The following GABRG1 variants were observed in gnomAD, a reference collection of about 807,000 sequenced individuals.
The protein encoded by GABRG1 is gamma-aminobutyric acid type A receptor subunit gamma1.
Under a neutral mutation model 49.8 loss-of-function variants are expected in GABRG1, and 49 were observed. That is an observed-to-expected ratio of 0.98 (90% CI 0.78 to 1.25). The LOEUF is 1.25. GABRG1 is among the 50% of genes most tolerant of loss of function. The pLI, the probability that GABRG1 is intolerant of heterozygous loss-of-function variation, is 0.00. For missense variants in GABRG1, 552 were observed against 552.3 expected (o/e 1.00, Z 0.01); for synonymous variants, 232 against 185.1 (o/e 1.25, Z -2.06).
In GABRG1 at chr4:46,037,177, C is replaced by T. The variant is rs1717563893; in HGVS notation, c.*3811G>A. 6.6e-6 allele frequency: 1 copy of T among 151,722 alleles called. No homozygotes were observed. Among genetic ancestry groups the T allele is most frequent in the African/African-American group, 2.4e-5 (1 of 41,344 alleles). The allele number at this position is 151,722 out of a possible 1,614,324, so 9.4% of individuals were successfully genotyped here. On this transcript the variant is annotated 3_prime_UTR_variant, in exon 9 of 9. Coordinates refer to ENST00000295452, the MANE Select transcript of GABRG1 (RefSeq NM_173536.4). The stretch of plus-strand genomic sequence containing the variant: ...TTCCTTGAAAGTCATCTTTATATTC[C>T]CTTTTGTATTTAGAACAGTACTTTG...
chr4:46,116,387 G>T (rs1049459737), intron 1 of GABRG1, among the ~76,000 whole-genome samples: 2 of 150,300 alleles, frequency 1.3e-5, no homozygotes, highest in South Asian at 2.1e-4. Flanking sequence ...GTTAGACTTA[G>T]AAAAAAAATA....
chr4:46,092,175 G>A (rs6822775), intron 2 of GABRG1, among the ~76,000 whole-genome samples: 92,776 of 151,812 alleles, frequency 0.61, 30,145 homozygotes, highest in African/African-American at 0.84. Context: ...ATATTTCTAA[G>A]TGGAAATAGG....
intron 7 of GABRG1, among the ~76,000 whole-genome samples, chr4:46,057,757 C>A (rs1222879030): frequency 1.3e-5 from 2 of 151,948 alleles, no homozygotes; most frequent in African/African-American, 2.4e-5. Context: ...CAGCTACTTG[C>A]CCTTTGGAAA....
intron 1 of GABRG1, among the ~76,000 whole-genome samples, chr4:46,119,221 T>C (rs183767333): frequency 2.0e-5 from 3 of 151,436 alleles, no homozygotes; most frequent in Non-Finnish European, 3.0e-5. Flanking sequence ...TAGATTTTTC[T>C]GCTTAATGTG....
At chr4:46,057,093 T>G (rs957202157) in intron 7 of GABRG1, among the ~76,000 whole-genome samples, 16 of 152,100 alleles carry the variant, frequency 1.1e-4, no homozygotes, top group African/African-American at 3.9e-4. Context: ...TATGGTTAAG[T>G]TATAGTAGCA....
chr4:46,039,808 CA>C lies in GABRG1; in HGVS notation c.*1179del, dbSNP rs1717685980. On this transcript the variant is annotated 3_prime_UTR_variant, in exon 9 of 9. Coordinates refer to ENST00000295452, the MANE Select transcript of GABRG1 (RefSeq NM_173536.4). ...TCATGTTCATTAAAGATGCCTCTAA[CA>C]AAACTCCCTCTTTAACATGATTTTG... 1.3e-5 allele frequency: 2 copies of C among 151,284 alleles called. No individual in the cohort carries two copies. Among genetic ancestry groups the C allele is most frequent in the Non-Finnish European group, 1.5e-5 (1 of 67,682 alleles). 9.4% of individuals were successfully genotyped at this position (151,284 alleles called of 1,614,324 possible). A position where few individuals can be genotyped will look rare whatever the true frequency, so the allele number is the denominator to read the frequency against.
chr4:46,106,984 G>A (rs2109437919), intron 1 of GABRG1, among the ~76,000 whole-genome samples: 1 of 151,350 alleles, frequency 6.6e-6, no homozygotes, highest in East Asian at 2.0e-4. Context: ...TTAGATACAG[G>A]CATGCGATGT....
intron 3 of GABRG1, among the ~76,000 whole-genome samples, chr4:46,071,256 A>G (rs1424197713): frequency 6.6e-6 from 1 of 151,918 alleles, no homozygotes; most frequent in African/African-American, 2.4e-5. Flanking sequence ...ACCATACAAT[A>G]ATTTCTATCA....
chr4:46,057,918 T>G (rs1718512825), intron 7 of GABRG1, among the ~76,000 whole-genome samples: 1 of 152,270 alleles, frequency 6.6e-6, no homozygotes, highest in South Asian at 2.1e-4. Context: ...AAATAAGATT[T>G]AGGAATTACG....
chr4:46,117,623 T>C lies in GABRG1; in HGVS notation c.104+6187A>G, dbSNP rs181289076. ...CTCTCTCTCTCTCTCTATATATATA[T>C]ACACATATGTATACATATATACATA... On this transcript the variant is annotated intron_variant, in intron 1 of 8. Coordinates refer to ENST00000295452, the MANE Select transcript of GABRG1 (RefSeq NM_173536.4). Among the ~76,000 whole-genome samples, 852 of 144,906 alleles carry C rather than the reference T, an allele frequency of 5.9e-3. 9 individuals are homozygous for C. Among genetic ancestry groups the C allele is most frequent in the African/African-American group, 0.017 (690 of 39,940 alleles).
rs754196940 is a variant in GABRG1 at position 46,065,459 on chromosome 4, G to GA, written c.446dup (p.Phe150LeufsTer8). 18 of 1,610,496 alleles carry GA rather than the reference G, an allele frequency of 1.1e-5. No homozygotes were observed. The highest frequency in any genetic ancestry group is 1.4e-5 in the Non-Finnish European group (17 of 1,177,868). ...CATCAGATTTTCTTGAGTTTCTGAA[G>GA]AAAGTGTCAGGAATCCAAATTTTTC... On this transcript the variant is annotated frameshift_variant, in exon 4 of 9. Transcript: ENST00000295452. LOFTEE classifies it high-confidence loss of function.
At chr4:46,077,334 A>G (rs896288855) in intron 3 of GABRG1, among the ~76,000 whole-genome samples, 3 of 152,028 alleles carry the variant, frequency 2.0e-5, no homozygotes, top group African/African-American at 7.2e-5. Flanking sequence ...AAAAGTAATG[A>G]CATAGTATAA....
At chr4:46,073,306 T>A (rs1420392175) in intron 3 of GABRG1, among the ~76,000 whole-genome samples, 2 of 151,942 alleles carry the variant, frequency 1.3e-5, no homozygotes, top group Non-Finnish European at 2.9e-5. Context: ...TCATTTTAAT[T>A]GAGATACAAG....
In GABRG1 at chr4:46,075,712, G is replaced by T. The variant is rs192144268; in HGVS notation, c.321+8274C>A. On this transcript the variant is annotated intron_variant, in intron 3 of 8. Transcript: ENST00000295452. ...TTAAAAAATCAAATAAAAGAAGAAA[G>T]AAAGAAAGGTCCTTGCTATATAAAG... is the stretch of plus-strand genomic sequence containing the variant. Among the ~76,000 whole-genome samples the T allele has an allele frequency of 1.3e-4, 20 of 152,080 alleles. No individual in the cohort carries two copies. The South Asian group carries it at 1.5e-3, about 11-fold the overall frequency.
chr4:46,052,684 G>T (rs1338394801), intron 7 of GABRG1, among the ~76,000 whole-genome samples: 11 of 151,736 alleles, frequency 7.2e-5, no homozygotes. Flanking sequence ...AGTAAATATG[G>T]CCCCATGAGC....
chr4:46,098,561 C>T (rs958743764), intron 1 of GABRG1, among the ~76,000 whole-genome samples: 1 of 151,644 alleles, frequency 6.6e-6, no homozygotes, highest in African/African-American at 2.4e-5. Context: ...TCCTTTTATC[C>T]GTAAACTCTC....
Position 46,040,454 on chromosome 4 carries a change from C to A in GABRG1, c.*534G>T, listed in dbSNP as rs1560344735. ...TGATAGTTTAAAAATAAATCAATTT[C>A]TTCTTGGGAATACAATATCTTGGAA... On this transcript the variant is annotated 3_prime_UTR_variant, in exon 9 of 9. Coordinates refer to ENST00000295452, the MANE Select transcript of GABRG1 (RefSeq NM_173536.4). 6.6e-6 allele frequency: 1 copy of A among 152,336 alleles called. No homozygotes were observed. Among genetic ancestry groups the A allele is most frequent in the South Asian group, 2.1e-4 (1 of 4,824 alleles). The allele number at this position is 152,336 out of a possible 1,614,324, so 9.4% of individuals were successfully genotyped here. A position where few individuals can be genotyped will look rare whatever the true frequency, so the allele number is the denominator to read the frequency against.
At chr4:46,090,660 A>T (rs981910527) in intron 2 of GABRG1, among the ~76,000 whole-genome samples, 14 of 151,890 alleles carry the variant, frequency 9.2e-5, no homozygotes, top group Admixed American at 3.3e-4. Context: ...AAAACTATAA[A>T]TTTTTTTTAA....
At chr4:46,118,807 T>TA (rs11449834) in intron 1 of GABRG1, among the ~76,000 whole-genome samples, 14,495 of 150,666 alleles carry the variant, frequency 0.096, 1,729 homozygotes, top group African/African-American at 0.29. Context: ...TGTTTGAAAA[T>TA]AAAAAAAACT....
Sources: gnomAD v4.1 joint callset for allele counts (sites outside exome capture counted in the v4.1 genomes callset) on GRCh38, gnomAD v4.1.1 for gene constraint, MANE v1.5 for transcripts, NCBI Gene and HGNC (gene_info 2026-07-23, HGNC 2026-07-21) for gene names.